KIFC3: variants seen among roughly 807,000 people sequenced by gnomAD.
The protein encoded by KIFC3 is kinesin-like protein KIFC3.
A neutral mutation model predicts 101.8 loss-of-function variants in KIFC3; 60 were observed. The ratio of observed to expected loss-of-function variants is 0.59; its 90% CI spans 0.48 to 0.73. The LOEUF is 0.73. Among genes scored for constraint, KIFC3 ranks in the 30% least tolerant of loss-of-function variants. KIFC3 has a pLI of 0.00. For synonymous variants in KIFC3, 476 were observed against 482.7 expected (o/e 0.99, Z 0.18); for missense variants, 966 against 1,137.1 (o/e 0.85, Z 2.16).
intron 3 of KIFC3, among the ~76,000 whole-genome samples, chr16:57,780,502 T>G (rs573586041): frequency 6.6e-6 from 1 of 150,506 alleles, no homozygotes. Flanking sequence ...CAGAGCAAGA[T>G]TCTCTCTCAA....
intron 2 of KIFC3, among the ~76,000 whole-genome samples, chr16:57,795,539 C>T (rs2054221069): frequency 6.6e-6 from 1 of 152,238 alleles, no homozygotes. Flanking sequence ...CCGGCTGCCT[C>T]TAGGTGGCAA....
chr16:57,764,052 C>T (rs2050170492), intron 12 of KIFC3, 91 bp downstream of exon 12: 3 of 903,360 alleles, frequency 3.3e-6, no homozygotes, highest in East Asian at 2.4e-5. Flanking sequence ...TGAGGCAAAA[C>T]ACACACTGCA....
intron 6 of KIFC3, 23 bp from the exon 7 acceptor site, chr16:57,770,723 C>A: frequency 7.0e-7 from 1 of 1,420,008 alleles, no homozygotes; most frequent in East Asian, 2.6e-5. Flanking sequence ...GGAGGAATGG[C>A]ACGTGGAGCC....
chr16:57,858,617 T>C (rs1567348006), intron 1 of KIFC3, among the ~76,000 whole-genome samples: 1 of 152,148 alleles, frequency 6.6e-6, no homozygotes, highest in Non-Finnish European at 1.5e-5. Flanking sequence ...AACATAGCTT[T>C]TTTTTTAACC....
chr16:57,837,554 G>GAAGGAAGAAAGAAAGAAAAGAAAGA (rs71152302), intron 1 of KIFC3, among the ~76,000 whole-genome samples: 1 of 99,916 alleles, frequency 1.0e-5, no homozygotes, highest in African/African-American at 3.4e-5. Context: ...AGGAAGGAAG[G>GAAGGAAGAAAGAAAGAAAAGAAAGA]AAGAAAGAAA....
At chr16:57,823,070 C>G (rs2055384700) in intron 1 of KIFC3, among the ~76,000 whole-genome samples, 1 of 152,176 alleles carries the variant, frequency 6.6e-6, no homozygotes, top group Non-Finnish European at 1.5e-5. Flanking sequence ...CCTCATTATA[C>G]TTTCCTCCCT....
At chr16:57,809,098 G>A (rs1416935814) in intron 1 of KIFC3, among the ~76,000 whole-genome samples, 1 of 152,080 alleles carries the variant, frequency 6.6e-6, no homozygotes, top group East Asian at 1.9e-4. Context: ...TGGTCAGCCT[G>A]GCCAACATAG....
At chr16:57,813,285 G>A (rs1039394829) in intron 1 of KIFC3, among the ~76,000 whole-genome samples, 23 of 151,856 alleles carry the variant, frequency 1.5e-4, no homozygotes, top group African/African-American at 5.1e-4. Flanking sequence ...CCGAGATTGC[G>A]CCACTGCACT....
chr16:57,788,810 C>T, intron 3 of KIFC3: 1 of 1,172,808 alleles, frequency 8.5e-7, no homozygotes, highest in East Asian at 5.8e-5. Context: ...TGGCAAGGAT[C>T]CCAGGGCCCA....
intron 1 of KIFC3, among the ~76,000 whole-genome samples, chr16:57,821,878 A>T (rs1555629961): frequency 6.6e-6 from 1 of 152,088 alleles, no homozygotes; most frequent in Non-Finnish European, 1.5e-5. Flanking sequence ...CCACCACTGC[A>T]CTCCAGTCTA....
At chr16:57,807,929 T>TAAAAAAAAAAAAAAAAAA (rs58392665), upstream of KIFC3, 2 of 81,562 alleles carry the variant, frequency 2.5e-5, no homozygotes, top group Admixed American at 1.6e-4. Context: ...GATCCTGTCT[T>TAAAAAAAAAAAAAAAAAA]AAAAAAAAAA....
intron 3 of KIFC3, chr16:57,777,066 C>A (rs1292721291): frequency 3.3e-5 from 5 of 151,948 alleles, no homozygotes; most frequent in African/African-American, 1.2e-4. Flanking sequence ...AATAAACAAT[C>A]CAAAAAGGAA....
chr16:57,769,775 G>A lies in KIFC3; in HGVS notation c.1087+33C>T, dbSNP rs201419977. On this transcript the variant is annotated intron_variant, in intron 8 of 19. Transcript: ENST00000445690. This position sits in a 1 kb window ranked among gnomAD's most constrained non-coding sequence, Gnocchi z 4.3. ...GCGGGAGGGGATGAGGGGCCGCGGC[G>A]TGGGGCAGACAGGGCCCAGCTGGTC... is the stretch of plus-strand genomic sequence containing the variant. 7.4e-4 allele frequency: 1,194 copies of A among 1,612,784 alleles called. 3 individuals are homozygous for A. Among genetic ancestry groups the A allele is most frequent in the East Asian group, 6.2e-3 (276 of 44,864 alleles).
chr16:57,814,986 A>G (rs2055187637), intron 1 of KIFC3, among the ~76,000 whole-genome samples: 1 of 152,176 alleles, frequency 6.6e-6, no homozygotes, highest in Admixed American at 6.5e-5. Context: ...ACTCAGCAAA[A>G]TTCAAATATG....
At chr16:57,834,152 C>T (rs1040912655) in intron 1 of KIFC3, among the ~76,000 whole-genome samples, 2 of 151,980 alleles carry the variant, frequency 1.3e-5, no homozygotes, top group South Asian at 2.1e-4. Context: ...TGAGCCACCG[C>T]GCCCCGGGAA....
intron 11 of KIFC3, chr16:57,764,518 A>T (rs2050231014): frequency 4.6e-6 from 2 of 437,526 alleles, no homozygotes; most frequent in Non-Finnish European, 8.4e-6. Context: ...AAGAGTGCTC[A>T]GCACAAGGAA....
In KIFC3 at chr16:57,759,727, C is replaced by T. The variant is rs1555593727; in HGVS notation, c.2476+1G>A. 1 of 1,607,490 alleles carries T rather than the reference C, an allele frequency of 6.2e-7. No individual in the cohort carries two copies. Among genetic ancestry groups the T allele is most frequent in the Non-Finnish European group, 8.5e-7 (1 of 1,177,198 alleles). ...CACCCACACTGCCACTCCAGGCTCACCCGAGGGCTGCAGCTTCCTCCGGAT... is the reference window on the plus strand; with the variant it reads ...CACCCACACTGCCACTCCAGGCTCATCCGAGGGCTGCAGCTTCCTCCGGAT... On this transcript the variant is annotated splice_donor_variant, in intron 18 of 19. Transcript: ENST00000445690. LOFTEE classifies it high-confidence loss of function.
intron 1 of KIFC3, among the ~76,000 whole-genome samples, chr16:57,840,106 G>T (rs1418466722): frequency 6.6e-6 from 1 of 152,148 alleles, no homozygotes; most frequent in African/African-American, 2.4e-5. Context: ...GAGAGGCCAA[G>T]GTAGGCGGAT....
upstream of KIFC3, chr16:57,803,276 G>T: frequency 1.4e-6 from 1 of 696,494 alleles, no homozygotes; most frequent in Non-Finnish European, 2.6e-6. Flanking sequence ...CCAGGGGCCT[G>T]CCAGCCGGGA....
Sources: gnomAD v4.1 joint callset for allele counts (sites outside exome capture counted in the v4.1 genomes callset) on GRCh38, gnomAD v4.1.1 for gene constraint, Gnocchi (gnomAD v3.1) non-coding constraint, MANE v1.5 for transcripts, NCBI Gene and HGNC (gene_info 2026-07-23, HGNC 2026-07-21) for gene names.